INTS7: variants seen among roughly 807,000 people sequenced by gnomAD.
The protein encoded by INTS7 is integrator complex subunit 7.
Under a neutral mutation model 109.2 loss-of-function variants are expected in INTS7, and 46 were observed. The ratio of observed to expected loss-of-function variants is 0.42; its 90% CI spans 0.33 to 0.54. The LOEUF (loss-of-function observed/expected upper bound fraction) is 0.54. Among genes scored for constraint, INTS7 ranks in the 20% least tolerant of loss-of-function variants. INTS7 has a pLI of 0.07. For missense variants in INTS7, 929 were observed against 1,132.4 expected (o/e 0.82, Z 2.58); for synonymous variants, 412 against 402.9 (o/e 1.02, Z -0.27).
chr1:212,000,019 C>T (rs1257557798), intron 7 of INTS7, among the ~76,000 whole-genome samples: 1 of 151,966 alleles, frequency 6.6e-6, no homozygotes, highest in Admixed American at 6.6e-5. Flanking sequence ...GCAGGAGAAT[C>T]GCTTGAACCC....
intron 10 of INTS7, 30 bp downstream of exon 10, chr1:211,981,054 ATATATATCT>A: frequency 7.9e-7 from 1 of 1,267,468 alleles, no homozygotes; most frequent in Non-Finnish European, 1.1e-6. Context: ...TAAGACCATC[ATATATATCT>A]ATTACAACTT....
chr1:211,976,680 C>A lies in INTS7; in HGVS notation c.1510G>T (p.Ala504Ser). Reference protein sequence around the residue: ...ATVIFVASQKALSVESKAVIK... With the variant: ...ATVIFVASQKSLSVESKAVIK... ...ACTGCCTTACTTTCCACAGACAATG[C>A]CTTCTGACTTGCAACAAAAATCACA... The change falls in exon 12 of 20, where the codon GCA (alanine) becomes TCA (serine). Residue 504 changes from alanine (A) to serine (S), a missense_variant. By Grantham distance (99) the Ala-to-Ser change is moderately conservative (BLOSUM62 1). Around this residue, in one of 2 missense-constraint regions of INTS7, gnomAD observed 787 missense variants for 901.1 expected, o/e 0.87. Coordinates refer to ENST00000366994, the MANE Select transcript of INTS7 (RefSeq NM_015434.4). 6.2e-7 allele frequency: 1 copy of A among 1,613,944 alleles called. No homozygotes were observed. The highest frequency in any genetic ancestry group is 8.5e-7 in the Non-Finnish European group (1 of 1,179,850).
chr1:211,969,551 CTTT>C lies in INTS7; in HGVS notation c.1816-847_1816-845del, dbSNP rs36104773. On this transcript the variant is annotated intron_variant, in intron 13 of 19. Coordinates refer to ENST00000366994, the MANE Select transcript of INTS7 (RefSeq NM_015434.4). ...CCAAATTTCTTTTTCTTTTTCTTTT[CTTT>C]TTTTTTTTTTTTTTTTTTTGAGACA... Among the ~76,000 whole-genome samples, 699 of 85,004 alleles carry C rather than the reference CTTT, an allele frequency of 8.2e-3. 3 individuals carry two copies. Among genetic ancestry groups the C allele is most frequent in the African/African-American group, 0.027 (653 of 24,034 alleles). 55.8% of individuals were successfully genotyped at this position (85,004 alleles called of 152,430 possible).
At chr1:211,980,084 A>G (rs915554202) in intron 10 of INTS7, among the ~76,000 whole-genome samples, 6 of 152,128 alleles carry the variant, frequency 3.9e-5, no homozygotes, top group African/African-American at 1.4e-4. Flanking sequence ...TGGAAAAAAG[A>G]TTTGCTTTTA....
At chr1:211,981,232 G>C (rs1211521832) in intron 9 of INTS7, 42 bp from the exon 10 acceptor site, 1 of 1,276,940 alleles carries the variant, frequency 7.8e-7, no homozygotes, top group East Asian at 2.3e-5. Context: ...CAAGTGATGT[G>C]TGTACAAACA....
At chr1:212,032,885 G>A (rs1429295741) in intron 1 of INTS7, among the ~76,000 whole-genome samples, 2 of 152,204 alleles carry the variant, frequency 1.3e-5, no homozygotes, top group Non-Finnish European at 2.9e-5. Context: ...TCTTCCACTT[G>A]ATTGAGGAGG....
At chr1:212,008,346 A>G (rs1024285319) in intron 5 of INTS7, among the ~76,000 whole-genome samples, 3 of 152,086 alleles carry the variant, frequency 2.0e-5, no homozygotes, top group South Asian at 2.1e-4. Context: ...TGACCATTCT[A>G]TCTTTGAAAC....
chr1:212,024,369 A>T lies in INTS7; in HGVS notation c.95-3157T>A, dbSNP rs113974783. 2.6e-3 allele frequency among the ~76,000 whole-genome samples: 395 copies of T among 152,182 alleles called. 1 individual carries two copies. The highest frequency in any genetic ancestry group is 9.2e-3 in the African/African-American group (383 of 41,516). ...AATGTTTTTCCATTTGTGTCACCTA[A>T]GATTCCTTTTGGTAGTGTTTTGTAG... On this transcript the variant is annotated intron_variant, in intron 1 of 19. Coordinates refer to ENST00000366994, the MANE Select transcript of INTS7 (RefSeq NM_015434.4).
intron 3 of INTS7, among the ~76,000 whole-genome samples, chr1:212,019,263 AATT>A (rs1666587704): frequency 2.0e-5 from 3 of 152,146 alleles, no homozygotes; most frequent in Admixed American, 6.6e-5. Flanking sequence ...TAAATAAATT[AATT>A]AATTAATTAA....
At chr1:212,000,108 G>GA (rs953793375) in intron 7 of INTS7, among the ~76,000 whole-genome samples, 3 of 146,354 alleles carry the variant, frequency 2.0e-5, no homozygotes, top group Admixed American at 1.4e-4. Context: ...CTGTCTCAAA[G>GA]AAAAAAAAGA....
At chr1:211,955,538 G>A (rs1045486915) in intron 16 of INTS7, among the ~76,000 whole-genome samples, 23 of 152,052 alleles carry the variant, frequency 1.5e-4, no homozygotes, top group African/African-American at 4.6e-4. Context: ...GTTTGTCATC[G>A]ATAGCTCTTA....
intron 1 of INTS7, among the ~76,000 whole-genome samples, chr1:212,024,085 T>A (rs1039639262): frequency 1.3e-5 from 2 of 152,246 alleles, no homozygotes; most frequent in Non-Finnish European, 2.9e-5. Flanking sequence ...TGTGTACCAG[T>A]ACCATGCTGT....
rs1571832720 is a variant in INTS7, at chr1:211,942,260, T to G, written c.2602-149A>C. 2.5e-6 allele frequency: 2 copies of G among 799,720 alleles called. No homozygotes were observed. The highest frequency in any genetic ancestry group is 2.6e-5 in the East Asian group (1 of 39,084). The allele number at this position is 799,720 out of a possible 1,614,324, so 49.5% of individuals were successfully genotyped here. A position where few individuals can be genotyped will look rare whatever the true frequency, so the allele number is the denominator to read the frequency against. On this transcript the variant is annotated intron_variant, in intron 19 of 19. Coordinates refer to ENST00000366994, the MANE Select transcript of INTS7 (RefSeq NM_015434.4). The surrounding 1 kb of genome is among the most constrained non-coding windows in gnomAD (Gnocchi z 4.2). ...TCATCCTTGCTTCACCGATGAGGAG[T>G]CTAAGGCAGACAGGTTAAGTAATGT...
At position 211,952,580 on chromosome 1, in the gene INTS7, C is replaced by T. The variant is rs1430782455; in HGVS notation, c.2305G>A (p.Val769Ile). The T allele has an allele frequency of 1.9e-6, 3 of 1,611,856 alleles. No homozygotes were observed. The highest frequency in any genetic ancestry group is 1.6e-4 in the Middle Eastern group (1 of 6,076). Residue 769 changes from valine to isoleucine, a missense_variant, in exon 17 of 20, where the codon GTT (valine) becomes ATT (isoleucine). This residue lies in a region of INTS7 where 787 missense variants were observed against 901.1 expected (regional missense o/e 0.87). Transcript: ENST00000366994. ...CAAATGCCACTTGCCATATAAGAAA[C>T]AGGGGTATATTTCCGATTGAGTGAT... is the stretch of plus-strand genomic sequence containing the variant. ...VESLNRKYTP[V>I]SYMHTACLCN...
intron 1 of INTS7, among the ~76,000 whole-genome samples, chr1:212,022,586 G>C (rs1346373787): frequency 6.6e-6 from 1 of 152,278 alleles, no homozygotes; most frequent in Middle Eastern, 3.4e-3. Context: ...ACTCCACTAA[G>C]ATACCATTAC....
intron 9 of INTS7, among the ~76,000 whole-genome samples, chr1:211,982,058 T>G (rs1437113195): frequency 6.6e-6 from 1 of 152,172 alleles, no homozygotes; most frequent in Non-Finnish European, 1.5e-5. Flanking sequence ...GAGCTTGTAA[T>G]CCTTAATGAA....
At chr1:212,012,165 T>C (rs1666191004) in intron 4 of INTS7, among the ~76,000 whole-genome samples, 1 of 152,024 alleles carries the variant, frequency 6.6e-6, no homozygotes, top group Middle Eastern at 3.2e-3. Context: ...TCACTGACAA[T>C]GTTCACCTGG....
chr1:212,021,020 A>G, intron 2 of INTS7, 63 bp downstream of exon 2: 2 of 1,465,662 alleles, frequency 1.4e-6, no homozygotes, highest in Non-Finnish European at 1.9e-6. Context: ...GAAAAAGACC[A>G]CAATATAAAA....
At chr1:212,024,982 A>G (rs1010510937) in intron 1 of INTS7, among the ~76,000 whole-genome samples, 2 of 152,352 alleles carry the variant, frequency 1.3e-5, no homozygotes, top group African/African-American at 2.4e-5. Flanking sequence ...ATGCGCAACT[A>G]GACTTTACTA....
Sources: allele counts gnomAD v4.1 joint callset (sites outside exome capture counted in the v4.1 genomes callset), GRCh38; gene constraint gnomAD v4.1.1; regional missense constraint gnomAD v4.1.1; non-coding constraint Gnocchi (gnomAD v3.1); transcripts MANE v1.5; gene names NCBI Gene and HGNC (gene_info 2026-07-23, HGNC 2026-07-21).